Variants in CFAP141 observed in about 807,000 individuals in gnomAD.
CFAP141 encodes cilia and flagella associated protein 141.
the CFAP141 span, among the ~76,000 whole-genome samples, chr1:154,204,520 A>G: frequency 6.6e-6 from 1 of 151,960 alleles, no homozygotes; most frequent in Non-Finnish European, 1.5e-5. Flanking sequence ...AGCTCAAGCA[A>G]TCCACCTGCC....
At chr1:154,203,188 T>C in the CFAP141 span, among the ~76,000 whole-genome samples, 1 of 17,602 alleles carries the variant, frequency 5.7e-5, no homozygotes, top group Non-Finnish European at 9.1e-5. Flanking sequence ...TATATATATA[T>C]ATATATATAT....
At chr1:154,205,411 CCTAGTAGGCA>C in the CFAP141 span, among the ~76,000 whole-genome samples, 1 of 152,170 alleles carries the variant, frequency 6.6e-6, no homozygotes, top group Middle Eastern at 3.2e-3. Context: ...TATCACCTAA[CCTAGTAGGCA>C]CTAAGAGGCT....
the CFAP141 span, among the ~76,000 whole-genome samples, chr1:154,202,982 G>A: frequency 2.9e-4 from 44 of 149,374 alleles, no homozygotes; most frequent in Non-Finnish European, 3.1e-4. Context: ...TTAGCCGAGC[G>A]TGGTGCCACA....
At chr1:154,205,797 C>T in the CFAP141 span, among the ~76,000 whole-genome samples, 1 of 151,876 alleles carries the variant, frequency 6.6e-6, no homozygotes, top group Non-Finnish European at 1.5e-5. Flanking sequence ...CTCCGCCTCC[C>T]GGGTTCAAGC....
At chr1:154,200,322 G>T in the CFAP141 span, 1 of 848,068 alleles carries the variant, frequency 1.2e-6, no homozygotes, top group Non-Finnish European at 1.9e-6. Context: ...GAGTTGTGTT[G>T]CTCTGGTGTA....
At chr1:154,200,682 TTTC>T in the CFAP141 span, 1 of 1,365,018 alleles carries the variant, frequency 7.3e-7, no homozygotes, top group Non-Finnish European at 1.0e-6. Flanking sequence ...CTTTTTTCTT[TTTC>T]TTTTCTTTTT....
At chr1:154,199,562 G>A in the CFAP141 span, 64 of 1,365,784 alleles carry the variant, frequency 4.7e-5, no homozygotes, top group Non-Finnish European at 6.3e-5. Flanking sequence ...TGTGTTGTTT[G>A]CCTCTGTTTA....
chr1:154,199,715 G>A, the CFAP141 span, among the ~76,000 whole-genome samples: 1 of 152,092 alleles, frequency 6.6e-6, no homozygotes, highest in African/African-American at 2.4e-5. Flanking sequence ...TTTCTCCACA[G>A]GCAAAGCCCT....
chr1:154,200,109 A>G, the CFAP141 span, among the ~76,000 whole-genome samples: 2 of 152,174 alleles, frequency 1.3e-5, no homozygotes. Context: ...TCCTGGGCTC[A>G]AGCGATCTGC....
the CFAP141 span, among the ~76,000 whole-genome samples, chr1:154,204,301 T>A: frequency 6.6e-6 from 1 of 152,192 alleles, no homozygotes; most frequent in African/African-American, 2.4e-5. Context: ...TAAAATCATA[T>A]ATGTTCTTGT....
chr1:154,206,248 C>A, the CFAP141 span: 68,994 of 1,611,144 alleles, frequency 0.043, 1,790 homozygotes, highest in Non-Finnish European at 0.049. Context: ...AAACTTCAAC[C>A]CAGCCCCTCC....
chr1:154,204,641 G>A, the CFAP141 span, among the ~76,000 whole-genome samples: 3 of 151,852 alleles, frequency 2.0e-5, no homozygotes, highest in Admixed American at 6.6e-5. Context: ...TGCAGTGGTG[G>A]CATCACTTGA....
chr1:154,204,283 A>C, the CFAP141 span, among the ~76,000 whole-genome samples: 2 of 151,636 alleles, frequency 1.3e-5, no homozygotes, highest in Non-Finnish European at 2.9e-5. Flanking sequence ...ATCAACCTAG[A>C]CTCCTATTAA....
the CFAP141 span, chr1:154,206,171 CTT>C: frequency 1.9e-6 from 2 of 1,067,442 alleles, no homozygotes; most frequent in East Asian, 2.4e-5. Context: ...ACATTATACC[CTT>C]GTTACATCAA....
chr1:154,200,576 T>A, the CFAP141 span: 1 of 1,614,110 alleles, frequency 6.2e-7, no homozygotes, highest in Non-Finnish European at 8.5e-7. Flanking sequence ...AGTGAGTATG[T>A]GAATTTCGCC....
chr1:154,203,645 T>C, the CFAP141 span, among the ~76,000 whole-genome samples: 1 of 152,100 alleles, frequency 6.6e-6, no homozygotes, highest in Non-Finnish European at 1.5e-5. Flanking sequence ...CTCAAACTCC[T>C]GCACTCAAGT....
At chr1:154,203,076 GC>G in the CFAP141 span, among the ~76,000 whole-genome samples, 1 of 145,504 alleles carries the variant, frequency 6.9e-6, no homozygotes, top group Non-Finnish European at 1.5e-5. Flanking sequence ...AGCCGAGATT[GC>G]ACCACTGCAC....
chr1:154,205,421 A>G, the CFAP141 span, among the ~76,000 whole-genome samples: 1 of 152,206 alleles, frequency 6.6e-6, no homozygotes, highest in Non-Finnish European at 1.5e-5. Context: ...CCTAGTAGGC[A>G]CTAAGAGGCT....
the CFAP141 span, among the ~76,000 whole-genome samples, chr1:154,206,025 A>G: frequency 6.6e-6 from 1 of 152,116 alleles, no homozygotes; most frequent in Non-Finnish European, 1.5e-5. Flanking sequence ...TTGAGAAAGC[A>G]ATTTCCTGGG....
Sources: gnomAD v4.1 joint callset for allele counts (sites outside exome capture counted in the v4.1 genomes callset) on GRCh38, gnomAD v4.1.1 for gene constraint, MANE v1.5 for transcripts, NCBI Gene and HGNC (gene_info 2026-07-23, HGNC 2026-07-21) for gene names.